Variants in INO80 observed in about 807,000 individuals in gnomAD.
INO80 encodes chromatin-remodeling ATPase INO80.
INO80 carries 20 observed loss-of-function variants against 203.4 expected under a neutral mutation model. The observed-to-expected ratio is 0.10, with a 90% CI of 0.07 to 0.14. The LOEUF (loss-of-function observed/expected upper bound fraction) is 0.14, where lower values mean the gene tolerates loss of function less well. INO80 is among the 10% of genes least tolerant of loss of function. INO80 has a pLI of 1.00. For missense variants in INO80, 1,419 were observed against 1,914.4 expected (o/e 0.74, Z 4.83); for synonymous variants, 726 against 685.2 (o/e 1.06, Z -0.93).
chr15:41,059,636 A>G (rs2045065980), intron 15 of INO80, among the ~76,000 whole-genome samples: 1 of 151,600 alleles, frequency 6.6e-6, no homozygotes, highest in African/African-American at 2.4e-5. Flanking sequence ...CCTGGGCAAC[A>G]GAGCAAGACC....
At chr15:41,095,441 C>A (rs1234225184) in intron 4 of INO80, among the ~76,000 whole-genome samples, 160 bp downstream of exon 4, 5 of 152,150 alleles carry the variant, frequency 3.3e-5, no homozygotes, top group Admixed American at 3.3e-4. Context: ...ATTGAATCCT[C>A]CAGATTTTCT....
intron 1 of INO80, among the ~76,000 whole-genome samples, chr15:41,102,154 G>C (rs2045818840): frequency 1.3e-5 from 2 of 151,248 alleles, no homozygotes; most frequent in Admixed American, 1.3e-4. Context: ...CTGTGCCACT[G>C]AACTCCAGCC....
intron 9 of INO80, among the ~76,000 whole-genome samples, chr15:41,078,637 G>C (rs977171083): frequency 2.0e-5 from 3 of 152,144 alleles, no homozygotes; most frequent in Non-Finnish European, 4.4e-5. Context: ...TTTGACATGA[G>C]TTACTACATA....
At chr15:41,026,283 T>C (rs1596269967) in intron 25 of INO80, among the ~76,000 whole-genome samples, 1 of 152,176 alleles carries the variant, frequency 6.6e-6, no homozygotes, top group Admixed American at 6.6e-5. Flanking sequence ...CTGGGCACGG[T>C]GGCTCACATC....
In INO80 at chr15:40,980,150, G is replaced by A; in HGVS notation, c.*73C>T. 8.1e-7 allele frequency: 1 copy of A among 1,233,850 alleles called. No individual in the cohort carries two copies. Among genetic ancestry groups the A allele is most frequent in the South Asian group, 1.2e-5 (1 of 82,604 alleles). 76.4% of individuals were successfully genotyped at this position (1,233,850 alleles called of 1,614,324 possible). On this transcript the variant is annotated 3_prime_UTR_variant, in exon 36 of 36. Coordinates refer to ENST00000648947, the MANE Select transcript of INO80 (RefSeq NM_017553.3). ...GGATGCAAGATGCTGCACGGGGCAA[G>A]CCATCCAAAGACCACTGGCAGGTCA...
intron 4 of INO80, among the ~76,000 whole-genome samples, chr15:41,093,863 A>G (rs2140662403): frequency 6.6e-6 from 1 of 152,340 alleles, no homozygotes; most frequent in South Asian, 2.1e-4. Context: ...ATAAATAAAA[A>G]TAAAATAAAA....
intron 29 of INO80, among the ~76,000 whole-genome samples, chr15:40,989,236 G>A (rs1288074490): frequency 6.6e-6 from 1 of 152,192 alleles, no homozygotes; most frequent in Non-Finnish European, 1.5e-5. Context: ...AGAATTCTCA[G>A]GCTCTCATCA....
In INO80 at chr15:41,028,034, C is replaced by A. The variant is rs561307858; in HGVS notation, c.2908-298G>T. On this transcript the variant is annotated intron_variant, in intron 24 of 35. Coordinates refer to ENST00000648947, the MANE Select transcript of INO80 (RefSeq NM_017553.3). ...CACAGCAAAACTTCATTAGACAAAT[C>A]ACTTGTATGGGAATGTCAGGGGAAG... The A allele has an allele frequency of 1.4e-4, 29 of 207,682 alleles. No homozygotes were observed. In the South Asian group the frequency reaches 2.7e-3, roughly 19 times the overall value. 12.9% of individuals were successfully genotyped at this position (207,682 alleles called of 1,614,324 possible).
At chr15:41,016,331 G>A in intron 26 of INO80, 116 bp from the exon 27 acceptor site, 1 of 988,486 alleles carries the variant, frequency 1.0e-6, no homozygotes, top group African/African-American at 1.6e-5. Flanking sequence ...GTCATCATGA[G>A]ATCAGAAAAG....
chr15:41,023,799 AAAAG>A (rs933012338), intron 25 of INO80, among the ~76,000 whole-genome samples: 4 of 149,334 alleles, frequency 2.7e-5, no homozygotes, highest in East Asian at 1.9e-4. Context: ...CAAAACGAAA[AAAAG>A]AAACAAAAAA....
intron 4 of INO80, among the ~76,000 whole-genome samples, chr15:41,094,485 C>T (rs1403620459): frequency 6.6e-6 from 1 of 152,136 alleles, no homozygotes; most frequent in Non-Finnish European, 1.5e-5. Flanking sequence ...TACTTGTTTA[C>T]AGGCTTACTA....
At chr15:41,112,725 G>A (rs2045974292) in intron 1 of INO80, among the ~76,000 whole-genome samples, 1 of 141,134 alleles carries the variant, frequency 7.1e-6, no homozygotes, top group South Asian at 2.5e-4. Flanking sequence ...GAGGCAGAGG[G>A]TGCAGTGAGC....
At position 41,096,303 on chromosome 15, in the gene INO80, G is replaced by C. The variant is rs778045274; in HGVS notation, c.8C>G (p.Ser3Trp). The C allele has an allele frequency of 3.1e-6, 5 of 1,593,918 alleles. No homozygotes were observed. Among genetic ancestry groups the C allele is most frequent in the Non-Finnish European group, 4.3e-6 (5 of 1,174,550 alleles). The change falls in exon 2 of 36, where the codon TCG becomes TGG. Residue 3 changes from serine to tryptophan, a missense_variant. By Grantham distance (177) the Ser-to-Trp change is radical (BLOSUM62 -3). Around this residue, in one of 9 missense-constraint regions of INO80, gnomAD observed 323 missense variants for 325.4 expected, o/e 0.99. Coordinates refer to ENST00000648947, the MANE Select transcript of INO80 (RefSeq NM_017553.3). ...TCCATCATCCCTGGCACCCAACTCC[G>C]AGGCCATAGAACAAATCTGTCTTCA... MASELGARDDGGC... is the reference protein window; with the variant it reads MAWELGARDDGGC...
intron 34 of INO80, 131 bp downstream of exon 34, chr15:40,983,631 T>A (rs1893916527): frequency 2.5e-6 from 2 of 789,110 alleles, no homozygotes; most frequent in East Asian, 2.7e-5. Context: ...CCTCGTTTTC[T>A]CATTTCACTT....
In INO80 at chr15:40,983,916, G is replaced by A. The variant is rs781253488; in HGVS notation, c.4083C>T (p.Ser1361=). The A allele has an allele frequency of 1.2e-6, 2 of 1,613,438 alleles. No homozygotes were observed. The highest frequency in any genetic ancestry group is 1.7e-5 in the Admixed American group (1 of 60,012). ...SAMPSPFSEI[S]ISSELHTGSI... ...AGCCAGTGTGCAGCTCACTGCTGATGGAGATCTAGAAGAGGAAGGGTTAAG... is the reference window on the plus strand; with the variant it reads ...AGCCAGTGTGCAGCTCACTGCTGATAGAGATCTAGAAGAGGAAGGGTTAAG... Residue 1361 remains serine, a synonymous_variant, in exon 34 of 36, where the codon TCC becomes TCT. Transcript: ENST00000648947.
chr15:41,039,407 AGT>A (rs967076846), intron 24 of INO80, among the ~76,000 whole-genome samples: 3 of 152,020 alleles, frequency 2.0e-5, no homozygotes, highest in Non-Finnish European at 4.4e-5. Flanking sequence ...AACCACATTC[AGT>A]GTGTGTGTGT....
chr15:41,056,310 CCT>C (rs199511969), intron 17 of INO80, among the ~76,000 whole-genome samples: 34 of 152,230 alleles, frequency 2.2e-4, no homozygotes, highest in African/African-American at 7.5e-4. Context: ...TTTTAGCTCC[CCT>C]CTGTGTTAAC....
chr15:41,082,776 A>C (rs691069), intron 7 of INO80, among the ~76,000 whole-genome samples: 18,019 of 152,102 alleles, frequency 0.12, 3,184 homozygotes, highest in African/African-American at 0.38. Context: ...CCCAGGTACT[A>C]AGGAGGCTGA....
chr15:41,034,292 T>G (rs1393102286), intron 24 of INO80, among the ~76,000 whole-genome samples: 1 of 151,952 alleles, frequency 6.6e-6, no homozygotes, highest in Non-Finnish European at 1.5e-5. Flanking sequence ...TTGGGGGAGG[T>G]AAGGAGAAGA....
Sources: allele counts gnomAD v4.1 joint callset (sites outside exome capture counted in the v4.1 genomes callset), GRCh38; gene constraint gnomAD v4.1.1; regional missense constraint gnomAD v4.1.1; transcripts MANE v1.5; gene names NCBI Gene and HGNC (gene_info 2026-07-23, HGNC 2026-07-21).